Variants in ANKRD6 observed in about 807,000 individuals in gnomAD.
ANKRD6 encodes the protein ankyrin repeat domain 6.
Under a neutral mutation model 82.3 loss-of-function variants are expected in ANKRD6, and 56 were observed. That is an observed-to-expected ratio of 0.68 (90% CI 0.55 to 0.85). The LOEUF (loss-of-function observed/expected upper bound fraction) is 0.85, where lower values mean the gene tolerates loss of function less well. ANKRD6 is among the 40% of genes least tolerant of loss of function. The pLI is 0.00. For synonymous variants in ANKRD6, 347 were observed against 352.1 expected (o/e 0.99, Z 0.16); for missense variants, 852 against 907.6 (o/e 0.94, Z 0.79).
intron 1 of ANKRD6, among the ~76,000 whole-genome samples, chr6:89,444,292 G>A (rs1002838902): frequency 3.3e-5 from 5 of 152,228 alleles, no homozygotes; most frequent in South Asian, 2.1e-4. Context: ...AGGAGAGAGT[G>A]GCAGATCAGT....
At chr6:89,480,170 ATTGTTGTCT>A (rs1403379095) in intron 1 of ANKRD6, among the ~76,000 whole-genome samples, 1 of 152,116 alleles carries the variant, frequency 6.6e-6, no homozygotes, top group Non-Finnish European at 1.5e-5. Context: ...ACTCTCCTAG[ATTGTTGTCT>A]GTCTGAAAGG....
chr6:89,544,671 G>GCACA (rs1164377242), intron 1 of ANKRD6, among the ~76,000 whole-genome samples: 5 of 152,124 alleles, frequency 3.3e-5, no homozygotes, highest in Admixed American at 2.0e-4. Context: ...CCAAGATTGT[G>GCACA]CCACTGCACT....
At chr6:89,492,830 G>A (rs543839427) in intron 1 of ANKRD6, among the ~76,000 whole-genome samples, 14 of 152,182 alleles carry the variant, frequency 9.2e-5, no homozygotes, top group African/African-American at 3.4e-4. Flanking sequence ...TTAAGAATGA[G>A]TACATTTTGG....
chr6:89,442,741 A>G (rs535796854), intron 1 of ANKRD6, among the ~76,000 whole-genome samples: 2 of 152,282 alleles, frequency 1.3e-5, no homozygotes, highest in East Asian at 1.9e-4. Context: ...GTTATTATCT[A>G]AAGATCTGGA....
Position 89,462,865 on chromosome 6 carries a change from G to GTT in ANKRD6, c.-144+29507_-144+29508dup, listed in dbSNP as rs751083567. ...TATTGACCACCAAGATGAGTTTTTA[G>GTT]TTTTTTTTTTTTTTTTTTCTAAGAG... On this transcript the variant is annotated intron_variant, in intron 1 of 15. Coordinates refer to ENST00000339746, the MANE Select transcript of ANKRD6 (RefSeq NM_001242809.2). Among the ~76,000 whole-genome samples the GTT allele has an allele frequency of 2.7e-3, 348 of 127,478 alleles. 1 individual carries two copies. The highest frequency in any genetic ancestry group is 8.3e-3 in the African/African-American group (290 of 35,098). 83.6% of individuals were successfully genotyped at this position (127,478 alleles called of 152,430 possible).
Position 89,631,061 on chromosome 6 carries a change from A to T in ANKRD6, c.*57A>T, listed in dbSNP as rs569423895. On this transcript the variant is annotated 3_prime_UTR_variant, in exon 16 of 16. Transcript: ENST00000339746. ...TGAAGATTTCCAGTTTTGCAACTGC[A>T]TAATAGCTATGCCCAAGGAGTCAAC... 4.1e-6 allele frequency: 6 copies of T among 1,452,374 alleles called. No homozygotes were observed. The African/African-American group carries it at 8.6e-5, about 21-fold the overall frequency. 90.0% of individuals were successfully genotyped at this position (1,452,374 alleles called of 1,614,324 possible). A position where few individuals can be genotyped will look rare whatever the true frequency, so the allele number is the denominator to read the frequency against.
intron 1 of ANKRD6, among the ~76,000 whole-genome samples, chr6:89,462,216 A>G (rs1035236971): frequency 6.2e-5 from 9 of 144,150 alleles, no homozygotes; most frequent in Admixed American, 5.7e-4. Context: ...TGGGCAACAG[A>G]GTGAGACTCC....
chr6:89,547,469 C>T (rs997027344), intron 1 of ANKRD6, among the ~76,000 whole-genome samples: 2 of 152,146 alleles, frequency 1.3e-5, no homozygotes, highest in Non-Finnish European at 2.9e-5. Flanking sequence ...GTCTTGTTCC[C>T]AGGCCTCCGG....
chr6:89,610,878 C>T (rs1199051058), intron 5 of ANKRD6, among the ~76,000 whole-genome samples: 4 of 151,704 alleles, frequency 2.6e-5, no homozygotes, highest in African/African-American at 4.8e-5. Flanking sequence ...AAGGGTTTCC[C>T]GGAATGTGGG....
At chr6:89,501,013 G>C (rs536712259) in intron 1 of ANKRD6, among the ~76,000 whole-genome samples, 1 of 138,650 alleles carries the variant, frequency 7.2e-6, no homozygotes, top group South Asian at 2.2e-4. Context: ...AAAAAGCACA[G>C]CTCTTACTGT....
chr6:89,538,278 C>T (rs960599990), intron 1 of ANKRD6, among the ~76,000 whole-genome samples: 2 of 152,054 alleles, frequency 1.3e-5, no homozygotes, highest in African/African-American at 4.8e-5. Flanking sequence ...GGTCTTTTGT[C>T]TTTTACAGCA....
intron 1 of ANKRD6, among the ~76,000 whole-genome samples, chr6:89,528,662 T>A (rs1050809830): frequency 4.6e-5 from 7 of 152,268 alleles, no homozygotes; most frequent in Non-Finnish European, 1.0e-4. Flanking sequence ...GTTTTCCATT[T>A]ACTTTCCCCA....
At chr6:89,589,553 G>A (rs1449713696) in intron 2 of ANKRD6, among the ~76,000 whole-genome samples, 2 of 152,206 alleles carry the variant, frequency 1.3e-5, no homozygotes, top group Non-Finnish European at 1.5e-5. Flanking sequence ...ATCTTAACGG[G>A]AATTCTTCTC....
At chr6:89,535,940 G>GT (rs1259172839) in intron 1 of ANKRD6, among the ~76,000 whole-genome samples, 1 of 152,212 alleles carries the variant, frequency 6.6e-6, no homozygotes, top group Non-Finnish European at 1.5e-5. Flanking sequence ...AATGAAGAGA[G>GT]TATCACAGGC....
At chr6:89,583,932 C>G (rs1793159084) in intron 2 of ANKRD6, among the ~76,000 whole-genome samples, 1 of 152,234 alleles carries the variant, frequency 6.6e-6, no homozygotes, top group African/African-American at 2.4e-5. Flanking sequence ...GTTCAATCAG[C>G]AAGCCATCCA....
At chr6:89,625,700 GATTTTCTCGGTTTTCGTAAAATAGT>G (rs2128268991) in intron 13 of ANKRD6, among the ~76,000 whole-genome samples, 1 of 150,288 alleles carries the variant, frequency 6.7e-6, no homozygotes, top group East Asian at 2.0e-4. Flanking sequence ...CCCATATTCA[GATTTTCTCGGTTTTCGTAAAATAGT>G]ATTTGTTACA....
intron 3 of ANKRD6, among the ~76,000 whole-genome samples, chr6:89,597,912 G>A (rs1323228789): frequency 6.6e-6 from 1 of 152,168 alleles, no homozygotes; most frequent in Admixed American, 6.5e-5. Flanking sequence ...CCATGCTGTT[G>A]ATGACCAGCC....
chr6:89,613,238 A>G (rs1324796027), intron 6 of ANKRD6, among the ~76,000 whole-genome samples: 1 of 151,996 alleles, frequency 6.6e-6, no homozygotes, highest in East Asian at 1.9e-4. Context: ...CTTCCTTATG[A>G]GCTCCCCTAC....
In ANKRD6 at chr6:89,606,052, C is replaced by A; in HGVS notation, c.364C>A (p.Gln122Lys). The A allele has an allele frequency of 6.3e-7, 1 of 1,596,098 alleles. No homozygotes were observed. The highest frequency in any genetic ancestry group is 8.5e-7 in the Non-Finnish European group (1 of 1,171,090). The change falls in exon 5 of 16, where the codon CAG (glutamine) becomes AAG (lysine). Residue 122 changes from glutamine to lysine, a missense_variant. Physicochemically the swap from Gln to Lys is moderately conservative, Grantham distance 53. Transcript: ENST00000339746. ...TGAAGCATCCTGGCATGGTTTCAGCCAGTCAGCCAAGCTGCTCATTAAAGC... is the reference window on the plus strand; with the variant it reads ...TGAAGCATCCTGGCATGGTTTCAGCAAGTCAGCCAAGCTGCTCATTAAAGC... ...LHEASWHGFS[Q>K]SAKLLIKAGA... is the part of the protein sequence containing the mutation.
Sources: gnomAD v4.1 joint callset for allele counts (sites outside exome capture counted in the v4.1 genomes callset) on GRCh38, gnomAD v4.1.1 for gene constraint, MANE v1.5 for transcripts, NCBI Gene and HGNC (gene_info 2026-07-23, HGNC 2026-07-21) for gene names.